Variants in STXBP5L observed in about 807,000 individuals in gnomAD.
STXBP5L encodes the protein syntaxin-binding protein 5-like.
In STXBP5L, 65 loss-of-function variants were observed where a neutral mutation model predicts 144.5. The ratio of observed to expected loss-of-function variants is 0.45; its 90% CI spans 0.37 to 0.55. STXBP5L has a LOEUF of 0.55. STXBP5L is among the 20% of genes least tolerant of loss of function. The pLI, the probability that STXBP5L is intolerant of heterozygous loss-of-function variation, is 0.00. For synonymous variants in STXBP5L, 505 were observed against 469.6 expected (o/e 1.08, Z -0.97); for missense variants, 1,298 against 1,405.5 (o/e 0.92, Z 1.22).
At chr3:121,247,186 T>A (rs2049882686) in intron 14 of STXBP5L, among the ~76,000 whole-genome samples, 1 of 152,208 alleles carries the variant, frequency 6.6e-6, no homozygotes, top group African/African-American at 2.4e-5. Context: ...ATTTCTGGAC[T>A]CTCTAATATG....
chr3:121,313,067 G>A (rs2043602968), intron 19 of STXBP5L, among the ~76,000 whole-genome samples: 1 of 149,586 alleles, frequency 6.7e-6, no homozygotes, highest in African/African-American at 2.5e-5. Context: ...CCTCCCGGAT[G>A]GGGCGGCTGG....
At chr3:120,975,329 A>C (rs1041918334) in intron 3 of STXBP5L, among the ~76,000 whole-genome samples, 21 of 152,078 alleles carry the variant, frequency 1.4e-4, no homozygotes, top group Non-Finnish European at 1.2e-4. Context: ...TTCACTCATG[A>C]TTTGGCTCTT....
intron 24 of STXBP5L, among the ~76,000 whole-genome samples, chr3:121,414,622 A>C (rs1481185305): frequency 2.0e-5 from 3 of 152,242 alleles, no homozygotes; most frequent in African/African-American, 7.2e-5. Context: ...AAAAGGTAAG[A>C]TACTTTAGAC....
chr3:121,218,223 A>G lies in STXBP5L; in HGVS notation c.957-4780A>G, dbSNP rs182999719. ...TATTACTATATACTATACATAGTAT[A>G]ATATAGTATATATATTACTATATAC... On this transcript the variant is annotated intron_variant, in intron 10 of 26. Transcript: ENST00000471454. Among the ~76,000 whole-genome samples the G allele has an allele frequency of 1.3e-4, 19 of 142,432 alleles. No individual in the cohort carries two copies. The East Asian group carries it at 2.5e-3, about 18-fold the overall frequency. 93.4% of individuals were successfully genotyped at this position (142,432 alleles called of 152,430 possible).
At chr3:121,349,484 T>C (rs1404741137) in intron 20 of STXBP5L, among the ~76,000 whole-genome samples, 1 of 152,050 alleles carries the variant, frequency 6.6e-6, no homozygotes, top group Non-Finnish European at 1.5e-5. Context: ...CTGCTTGGTG[T>C]AGAGCTGAGT....
At chr3:121,090,153 C>A (rs2042706051) in intron 5 of STXBP5L, among the ~76,000 whole-genome samples, 1 of 152,034 alleles carries the variant, frequency 6.6e-6, no homozygotes, top group Non-Finnish European at 1.5e-5. Context: ...ACATTCCAGG[C>A]ATTGTTATGA....
intron 3 of STXBP5L, among the ~76,000 whole-genome samples, chr3:120,966,717 T>C (rs1939623297): frequency 1.3e-5 from 2 of 152,126 alleles, no homozygotes; most frequent in South Asian, 4.1e-4. Flanking sequence ...TGTTGGCCCC[T>C]ACTGGGAGGT....
At chr3:121,361,912 G>C (rs963894078) in intron 20 of STXBP5L, among the ~76,000 whole-genome samples, 1 of 152,072 alleles carries the variant, frequency 6.6e-6, no homozygotes, top group African/African-American at 2.4e-5. Flanking sequence ...CTTCATGGTT[G>C]GGTCTTATTT....
chr3:121,206,034 C>T lies in STXBP5L; in HGVS notation c.956+33C>T, dbSNP rs781274658. 2.3e-5 allele frequency: 30 copies of T among 1,309,054 alleles called. No homozygotes were observed. The East Asian group carries it at 3.2e-4, about 14-fold the overall frequency. The allele number at this position is 1,309,054 out of a possible 1,614,324, so 81.1% of individuals were successfully genotyped here. The stretch of plus-strand genomic sequence containing the variant: ...TTTTTACTTTAGGGAAAGAGGGATA[C>T]GAAGCAGAGACAAAAAATGCAGATG... On this transcript the variant is annotated intron_variant, in intron 10 of 26. Coordinates refer to ENST00000471454, the MANE Select transcript of STXBP5L (RefSeq NM_001308330.2).
At chr3:121,264,550 A>G (rs1281269614) in intron 18 of STXBP5L, among the ~76,000 whole-genome samples, 1 of 152,158 alleles carries the variant, frequency 6.6e-6, no homozygotes, top group Non-Finnish European at 1.5e-5. Context: ...ATCGACACTA[A>G]GAAGAAACTG....
intron 5 of STXBP5L, among the ~76,000 whole-genome samples, chr3:121,054,167 G>T (rs1413013938): frequency 2.0e-5 from 3 of 152,172 alleles, no homozygotes; most frequent in Admixed American, 1.3e-4. Context: ...TTCAACCATT[G>T]TGGAAGTCAG....
intron 5 of STXBP5L, among the ~76,000 whole-genome samples, chr3:121,094,689 T>C (rs1373382389): frequency 3.9e-5 from 6 of 152,238 alleles, no homozygotes; most frequent in Non-Finnish European, 7.3e-5. Context: ...ATGGTTTTCC[T>C]GAATACAACA....
At chr3:121,011,021 G>A (rs182951107) in intron 3 of STXBP5L, among the ~76,000 whole-genome samples, 2 of 150,468 alleles carry the variant, frequency 1.3e-5, no homozygotes, top group East Asian at 1.9e-4. Context: ...GGGTTCAGTA[G>A]GGGAATATAA....
intron 3 of STXBP5L, among the ~76,000 whole-genome samples, chr3:120,988,830 T>C (rs1942555163): frequency 6.6e-6 from 1 of 152,110 alleles, no homozygotes; most frequent in African/African-American, 2.4e-5. Flanking sequence ...CTTCCACTTT[T>C]CTGAGTCTTC....
rs2045865196 is a variant in STXBP5L at position 121,366,382 on chromosome 3, T to C, written c.2177-12334T>C. Among the ~76,000 whole-genome samples, 4 of 152,154 alleles carry C rather than the reference T, an allele frequency of 2.6e-5. No homozygotes were observed. The South Asian group carries it at 8.3e-4, about 32-fold the overall frequency. On this transcript the variant is annotated intron_variant, in intron 20 of 26. Coordinates refer to ENST00000471454, the MANE Select transcript of STXBP5L (RefSeq NM_001308330.2). ...TACAACTATTATAGAACTGTATATT[T>C]CTATTTTCTCTCATTTTTTGCTTCA...
intron 8 of STXBP5L, among the ~76,000 whole-genome samples, chr3:121,153,833 A>G (rs1285278523): frequency 6.6e-6 from 1 of 151,974 alleles, no homozygotes; most frequent in Non-Finnish European, 1.5e-5. Flanking sequence ...ATTCTTCAGC[A>G]TCTTGAATCA....
In STXBP5L at chr3:121,201,065, C is replaced by G. The variant is rs143599869; in HGVS notation, c.878-4858C>G. On this transcript the variant is annotated intron_variant, in intron 9 of 26. Coordinates refer to ENST00000471454, the MANE Select transcript of STXBP5L (RefSeq NM_001308330.2). ...TTAATTTTCTGTCTTGTTGATCTGT[C>G]TAATATTGATAGTGGGGTGTTAAAT... is the stretch of plus-strand genomic sequence containing the variant. Among the ~76,000 whole-genome samples, 418 of 152,206 alleles carry G rather than the reference C, an allele frequency of 2.7e-3. 2 individuals carry two copies. Among genetic ancestry groups the G allele is most frequent in the African/African-American group, 9.1e-3 (378 of 41,538 alleles).
chr3:121,266,782 CAGGAT>C (rs1431067928), intron 18 of STXBP5L, among the ~76,000 whole-genome samples: 1 of 152,164 alleles, frequency 6.6e-6, no homozygotes, highest in Non-Finnish European at 1.5e-5. Flanking sequence ...AACAAAGTGG[CAGGAT>C]ACAAAATCAG....
intron 7 of STXBP5L, among the ~76,000 whole-genome samples, chr3:121,126,007 C>G (rs1369911167): frequency 6.6e-6 from 1 of 152,104 alleles, no homozygotes; most frequent in Admixed American, 6.6e-5. Flanking sequence ...TACACCTGAC[C>G]AGTGATGTCT....
Sources: gnomAD v4.1 joint callset for allele counts (sites outside exome capture counted in the v4.1 genomes callset) on GRCh38, gnomAD v4.1.1 for gene constraint, MANE v1.5 for transcripts, NCBI Gene and HGNC (gene_info 2026-07-23, HGNC 2026-07-21) for gene names.